Variants in NIPA2 observed in about 807,000 individuals in gnomAD.
The protein encoded by NIPA2 is magnesium transporter NIPA2.
Under a neutral mutation model 29.7 loss-of-function variants are expected in NIPA2, and 11 were observed. The observed-to-expected ratio is 0.37, with a 90% CI of 0.23 to 0.61. NIPA2 has a LOEUF of 0.61. Among genes scored for constraint, NIPA2 ranks in the 20% least tolerant of loss-of-function variants. The probability of loss-of-function intolerance (pLI) is 0.66; values close to 1 mark genes in which losing one functional copy is unlikely to be tolerated. For synonymous variants in NIPA2, 183 were observed against 161.9 expected, an observed-to-expected ratio of 1.13 and a Z score of -0.99; for missense variants, 426 against 437.9, an observed-to-expected ratio of 0.97 and a Z score of 0.24.
intron 5 of NIPA2, among the ~76,000 whole-genome samples, chr15:22,854,875 G>A (rs534353572): frequency 9.2e-5 from 14 of 152,192 alleles, no homozygotes; most frequent in East Asian, 1.9e-4. Context: ...TAAATGGAAC[G>A]ACAAGGCTTT....
At chr15:22,866,071 T>C (rs2059040074) in intron 7 of NIPA2, 142 bp from the exon 8 acceptor site, 1 of 664,594 alleles carries the variant, frequency 1.5e-6, no homozygotes, top group Non-Finnish European at 2.5e-6. Context: ...GTTGCATTTC[T>C]GCTTGGGCTG....
Position 22,864,740 on chromosome 15 carries a change from G to A in NIPA2, c.449-1473G>A, listed in dbSNP as rs2058863349. 2.0e-5 allele frequency among the ~76,000 whole-genome samples: 3 copies of A among 152,318 alleles called. No individual in the cohort carries two copies. In the South Asian group the frequency reaches 6.2e-4, roughly 32 times the overall value. The stretch of plus-strand genomic sequence containing the variant: ...ACTTTGTATCTTTTGAGCATTCTGT[G>A]CCACAAACTAAATTGCTTTTTCATC... On this transcript the variant is annotated intron_variant, in intron 7 of 7. Transcript: ENST00000337451.
intron 5 of NIPA2, among the ~76,000 whole-genome samples, chr15:22,854,105 G>A (rs945652380): frequency 2.2e-4 from 33 of 152,008 alleles, no homozygotes; most frequent in Non-Finnish European, 1.5e-4. Context: ...GATTACAGGC[G>A]TGAGCCACCA....
intron 3 of NIPA2, among the ~76,000 whole-genome samples, chr15:22,849,551 C>T (rs958083265): frequency 4.7e-5 from 7 of 148,180 alleles, no homozygotes; most frequent in East Asian, 2.0e-4. Context: ...TGTTTTCTTT[C>T]AATGTTTCAG....
chr15:22,857,953 CTA>C (rs2058325071), intron 5 of NIPA2, among the ~76,000 whole-genome samples: 1 of 151,448 alleles, frequency 6.6e-6, no homozygotes, highest in Admixed American at 6.6e-5. Flanking sequence ...ATATAAGTAT[CTA>C]TTTAAAATTT....
intron 6 of NIPA2, among the ~76,000 whole-genome samples, chr15:22,858,869 G>A (rs912014879): frequency 1.3e-5 from 2 of 152,106 alleles, no homozygotes; most frequent in Non-Finnish European, 2.9e-5. Context: ...GTTCTACTTC[G>A]ATTTCAGTTT....
rs921857495 is a variant in NIPA2 at position 22,867,787 on chromosome 15, G to A, written c.*940G>A. 6.6e-6 allele frequency: 1 copy of A among 152,134 alleles called. No individual in the cohort carries two copies. The highest frequency in any genetic ancestry group is 2.4e-5 in the African/African-American group (1 of 41,426). 9.4% of individuals were successfully genotyped at this position (152,134 alleles called of 1,614,324 possible). On this transcript the variant is annotated 3_prime_UTR_variant, in exon 8 of 8. Transcript: ENST00000337451. ...CATGTTTATAGAATATGGTCTCTTTGTACCAAGTACTTTGCTTAAGAGCTC... is the reference window on the plus strand; with the variant it reads ...CATGTTTATAGAATATGGTCTCTTTATACCAAGTACTTTGCTTAAGAGCTC...
At chr15:22,853,350 G>A in intron 5 of NIPA2, 82 bp downstream of exon 5, 3 of 793,278 alleles carry the variant, frequency 3.8e-6, no homozygotes, top group Middle Eastern at 2.4e-4. Context: ...CTCATTACTA[G>A]CAAGTTTTAA....
Position 22,866,241 on chromosome 15 carries a change from C to A in NIPA2, c.477C>A (p.Val159=), listed in dbSNP as rs371377553. 1.9e-6 allele frequency: 3 copies of A among 1,613,690 alleles called. No individual in the cohort carries two copies. Among genetic ancestry groups the A allele is most frequent in the African/African-American group, 1.3e-5 (1 of 74,898 alleles). Residue 159 remains valine (V), a synonymous_variant, in exon 8 of 8, where the codon GTC becomes GTA. Coordinates refer to ENST00000337451, the MANE Select transcript of NIPA2 (RefSeq NM_030922.7). ...PGFVVFATLV[V]IVALILIFVV... ...TTGTGGTCTTTGCAACCCTTGTGGT[C>A]ATTGTGGCCTTGATATTAATCTTCG... is the stretch of plus-strand genomic sequence containing the variant.
rs978924981 is a variant in NIPA2 at position 22,867,390 on chromosome 15, CAAAA to C, written c.*548_*551del. On this transcript the variant is annotated 3_prime_UTR_variant, in exon 8 of 8. Transcript: ENST00000337451. ...ATGAAGGAACCTCTTTCTTACAAAACAAAAAAAAGGGCAGAAATCACCCCAAGGA... is the reference window on the plus strand; with the variant it reads ...ATGAAGGAACCTCTTTCTTACAAAACAAAAGGGCAGAAATCACCCCAAGGA... 2.3e-5 allele frequency: 9 copies of C among 386,560 alleles called. No homozygotes were observed. Among genetic ancestry groups the C allele is most frequent in the African/African-American group, 1.0e-4 (5 of 48,326 alleles). 23.9% of individuals were successfully genotyped at this position (386,560 alleles called of 1,614,324 possible). A position where few individuals can be genotyped will look rare whatever the true frequency, so the allele number is the denominator to read the frequency against.
At chr15:22,859,164 A>G (rs1034384407) in intron 6 of NIPA2, among the ~76,000 whole-genome samples, 3 of 152,090 alleles carry the variant, frequency 2.0e-5, no homozygotes, top group Admixed American at 6.5e-5. Context: ...ATAGAGCGAG[A>G]CTCTGTCTCA....
In NIPA2 at chr15:22,856,697, AC is replaced by A. The variant is rs1180854115; in HGVS notation, c.197-1842del. 7.2e-5 allele frequency among the ~76,000 whole-genome samples: 11 copies of A among 152,332 alleles called. No individual in the cohort carries two copies. In the East Asian group the frequency reaches 1.9e-3, roughly 27 times the overall value. On this transcript the variant is annotated intron_variant, in intron 5 of 7. Transcript: ENST00000337451. ...GAAAACAGGATAAACTTTAACAGCT[AC>A]TTCCCTAAAAGATTTCATAGGGTTA...
rs1292733208 is a variant in NIPA2 at position 22,867,781 on chromosome 15, C to CTCTT, written c.*936_*939dup. 6.6e-6 allele frequency: 1 copy of CTCTT among 152,148 alleles called. No homozygotes were observed. 9.4% of individuals were successfully genotyped at this position (152,148 alleles called of 1,614,324 possible). ...ACTTAACATGTTTATAGAATATGGT[C>CTCTT]TCTTTGTACCAAGTACTTTGCTTAA... On this transcript the variant is annotated 3_prime_UTR_variant, in exon 8 of 8. Transcript: ENST00000337451.
intron 3 of NIPA2, among the ~76,000 whole-genome samples, chr15:22,851,367 G>C (rs897782768): frequency 6.6e-6 from 1 of 151,902 alleles, no homozygotes; most frequent in Non-Finnish European, 1.5e-5. Flanking sequence ...TTATCAGAAA[G>C]TTTTATTAAG....
rs80153770 is a variant in NIPA2, at chr15:22,864,553, G to C, written c.449-1660G>C. Among the ~76,000 whole-genome samples the C allele has an allele frequency of 3.3e-5, 5 of 152,322 alleles. No homozygotes were observed. The East Asian group carries it at 9.6e-4, about 29-fold the overall frequency. ...GTGGGCATCCTGGGAATTGACTGGG[G>C]GGAAGGATTAATGCCTGGAGGCATG... On this transcript the variant is annotated intron_variant, in intron 7 of 7. Transcript: ENST00000337451.
At chr15:22,857,509 G>A (rs540656581) in intron 5 of NIPA2, among the ~76,000 whole-genome samples, 5 of 151,028 alleles carry the variant, frequency 3.3e-5, no homozygotes, top group Admixed American at 3.3e-4. Flanking sequence ...CCTGATTCTA[G>A]AACAGGACCT....
chr15:22,852,842 C>T (rs1285456250), intron 4 of NIPA2, among the ~76,000 whole-genome samples: 1 of 152,120 alleles, frequency 6.6e-6, no homozygotes, highest in African/African-American at 2.4e-5. Context: ...GAAACAGTAC[C>T]ACCCTTCTGT....
chr15:22,845,525 T>G (rs942023419), intron 3 of NIPA2, among the ~76,000 whole-genome samples: 1 of 152,212 alleles, frequency 6.6e-6, no homozygotes, highest in African/African-American at 2.4e-5. Context: ...GTAATTGTTT[T>G]TAAGGAACTT....
At chr15:22,840,427 A>G (rs1044671824) in intron 2 of NIPA2, among the ~76,000 whole-genome samples, 8 of 151,358 alleles carry the variant, frequency 5.3e-5, no homozygotes, top group African/African-American at 1.9e-4. Context: ...CCTCCGGAGT[A>G]GCTGGGGTTA....
Sources: allele counts gnomAD v4.1 joint callset (sites outside exome capture counted in the v4.1 genomes callset), GRCh38; gene constraint gnomAD v4.1.1; transcripts MANE v1.5; gene names NCBI Gene and HGNC (gene_info 2026-07-23, HGNC 2026-07-21).